Variants in NUP93 observed in about 807,000 individuals in gnomAD.
NUP93 encodes the protein nucleoporin 93.
NUP93 carries 55 observed loss-of-function variants against 107.8 expected under a neutral mutation model. The ratio of observed to expected loss-of-function variants is 0.51; its 90% confidence interval spans 0.41 to 0.64. The LOEUF (loss-of-function observed/expected upper bound fraction) is 0.64. Ranked by LOEUF, NUP93 falls within the 30% of genes least tolerant of loss-of-function variation. NUP93 has a pLI of 0.00. For missense variants in NUP93, 937 were observed against 1,044.7 expected (o/e 0.90, Z 1.42); for synonymous variants, 390 against 397.5 (o/e 0.98, Z 0.22).
rs966485673 is a variant in NUP93, at chr16:56,845,006, C to T, written c.*397C>T. The T allele has an allele frequency of 3.7e-6, 1 of 269,562 alleles. No homozygotes were observed. The highest frequency in any genetic ancestry group is 6.9e-6 in the Non-Finnish European group (1 of 143,934). The allele number at this position is 269,562 out of a possible 1,614,324, so 16.7% of individuals were successfully genotyped here. A position where few individuals can be genotyped will look rare whatever the true frequency, so the allele number is the denominator to read the frequency against. On this transcript the variant is annotated 3_prime_UTR_variant, in exon 22 of 22. Coordinates refer to ENST00000308159, the MANE Select transcript of NUP93 (RefSeq NM_014669.5). ...TATAATATTCCATATAGCAGAGTCA[C>T]GATTCATTTTCACATTTTTATTTGA...
chr16:56,795,843 C>T (rs542413237), intron 3 of NUP93, among the ~76,000 whole-genome samples: 359 of 152,206 alleles, frequency 2.4e-3, no homozygotes, highest in African/African-American at 8.3e-3. Context: ...GACAGGGTTT[C>T]ACCATGTTGG....
intron 3 of NUP93, among the ~76,000 whole-genome samples, chr16:56,785,640 G>C (rs1319734545): frequency 6.6e-6 from 1 of 152,216 alleles, no homozygotes; most frequent in Non-Finnish European, 1.5e-5. Context: ...ATGGCAGAGA[G>C]GAAGGAGTAA....
In NUP93 at chr16:56,846,018, T is replaced by A. The variant is rs969294316; in HGVS notation, c.*1409T>A. ...TTCAATTGAGCTTTACTAGAAAGTC[T>A]TGAAACATGAGCCCTGCAGAGGCCT... is the stretch of plus-strand genomic sequence containing the variant. On this transcript the variant is annotated 3_prime_UTR_variant, in exon 22 of 22. Coordinates refer to ENST00000308159, the MANE Select transcript of NUP93 (RefSeq NM_014669.5). 20 of 152,230 alleles carry A rather than the reference T, an allele frequency of 1.3e-4. No individual in the cohort carries two copies. Among genetic ancestry groups the A allele is most frequent in the African/African-American group, 4.6e-4 (19 of 41,446 alleles). The allele number at this position is 152,230 out of a possible 1,614,324, so 9.4% of individuals were successfully genotyped here.
At chr16:56,777,371 C>G (rs2144513064) in intron 3 of NUP93, among the ~76,000 whole-genome samples, 1 of 152,286 alleles carries the variant, frequency 6.6e-6, no homozygotes, top group South Asian at 2.1e-4. Flanking sequence ...TCTGGGGCAG[C>G]AGGAACTTAT....
chr16:56,773,913 G>T (rs1326563809), intron 3 of NUP93, among the ~76,000 whole-genome samples: 2 of 152,104 alleles, frequency 1.3e-5, no homozygotes, highest in African/African-American at 4.8e-5. Flanking sequence ...AAGCACCTTT[G>T]TTTTTATCTT....
chr16:56,848,656 T>C lies in NUP93; in HGVS notation c.*4047T>C, dbSNP rs748599428. The stretch of plus-strand genomic sequence containing the variant: ...AAAAAGTTAAAAATTACTAAAGTGT[T>C]CTGAAAAGAGATTTCAAGTGGTCTG... On this transcript the variant is annotated 3_prime_UTR_variant, in exon 22 of 22. Coordinates refer to ENST00000308159, the MANE Select transcript of NUP93 (RefSeq NM_014669.5). 1 of 152,244 alleles carries C rather than the reference T, an allele frequency of 6.6e-6. No homozygotes were observed. Among genetic ancestry groups the C allele is most frequent in the Admixed American group, 6.5e-5 (1 of 15,290 alleles). 9.4% of individuals were successfully genotyped at this position (152,244 alleles called of 1,614,324 possible). A position where few individuals can be genotyped will look rare whatever the true frequency, so the allele number is the denominator to read the frequency against.
chr16:56,818,914 T>C (rs1490072505), intron 6 of NUP93, among the ~76,000 whole-genome samples, 176 bp downstream of exon 6: 3 of 152,218 alleles, frequency 2.0e-5, no homozygotes, highest in African/African-American at 7.2e-5. Flanking sequence ...AATAGGGTAA[T>C]AGAATTACTC....
At chr16:56,738,262 T>C (rs535571081) in intron 1 of NUP93, among the ~76,000 whole-genome samples, 1 of 152,362 alleles carries the variant, frequency 6.6e-6, no homozygotes, top group South Asian at 2.1e-4. Flanking sequence ...CAGCACTTTC[T>C]TCCCAGCTGG....
At chr16:56,795,516 CATT>C (rs1962877439) in intron 3 of NUP93, among the ~76,000 whole-genome samples, 1 of 152,164 alleles carries the variant, frequency 6.6e-6, no homozygotes, top group Non-Finnish European at 1.5e-5. Context: ...AATGTCATTA[CATT>C]ATTAGGCAAA....
intron 3 of NUP93, among the ~76,000 whole-genome samples, chr16:56,776,503 T>C (rs1185802341): frequency 7.2e-5 from 11 of 152,216 alleles, no homozygotes; most frequent in Non-Finnish European, 2.9e-5. Flanking sequence ...CTTGGGACAA[T>C]GTTCAGCTTT....
In NUP93 at chr16:56,827,633, C is replaced by CA. The variant is rs1372064949; in HGVS notation, c.795-1337dup. Among the ~76,000 whole-genome samples the CA allele has an allele frequency of 3.3e-5, 5 of 152,128 alleles. No homozygotes were observed. In the South Asian group the frequency reaches 6.2e-4, roughly 19 times the overall value. On this transcript the variant is annotated intron_variant, in intron 8 of 21. Coordinates refer to ENST00000308159, the MANE Select transcript of NUP93 (RefSeq NM_014669.5). ...AGCATTAGCTATGTAGGGCTACTGG[C>CA]AAAAAAATTGAACCTGAATCAAATA...
At chr16:56,834,096 G>T in intron 13 of NUP93, 32 bp from the exon 14 acceptor site, 1 of 1,613,088 alleles carries the variant, frequency 6.2e-7, no homozygotes. Context: ...GGGGCAGTGT[G>T]GTTGTGACCC....
chr16:56,810,718 A>G (rs1489058644), intron 5 of NUP93, among the ~76,000 whole-genome samples: 1 of 151,886 alleles, frequency 6.6e-6, no homozygotes, highest in African/African-American at 2.4e-5. Flanking sequence ...AGATGAGGAA[A>G]CAGAACATTA....
At chr16:56,816,736 A>G (rs1034592198) in intron 5 of NUP93, among the ~76,000 whole-genome samples, 4 of 152,136 alleles carry the variant, frequency 2.6e-5, no homozygotes, top group Admixed American at 1.3e-4. Context: ...TCAGTGGTGT[A>G]TAGGGATCAA....
rs1963786769 is a variant in NUP93 at position 56,831,584 on chromosome 16, T to A, written c.1086-258T>A. On this transcript the variant is annotated intron_variant, in intron 10 of 21. Coordinates refer to ENST00000308159, the MANE Select transcript of NUP93 (RefSeq NM_014669.5). ...CTGGGTTGTGCAATGGAGTTCTAAT[T>A]CCCTGGCATTTCTCACCTGCCCATG... The A allele has an allele frequency of 2.0e-5, 8 of 403,056 alleles. No individual in the cohort carries two copies. The South Asian group carries it at 2.1e-4, about 11-fold the overall frequency. The allele number at this position is 403,056 out of a possible 1,614,324, so 25.0% of individuals were successfully genotyped here. A position where few individuals can be genotyped will look rare whatever the true frequency, so the allele number is the denominator to read the frequency against.
intron 3 of NUP93, among the ~76,000 whole-genome samples, chr16:56,789,704 A>G (rs1962710964): frequency 6.6e-6 from 1 of 152,270 alleles, no homozygotes; most frequent in African/African-American, 2.4e-5. Context: ...GTTGGCGAAT[A>G]TCAGCTCTGC....
intron 16 of NUP93, among the ~76,000 whole-genome samples, chr16:56,836,078 G>A (rs1596860032): frequency 1.3e-5 from 2 of 149,542 alleles, no homozygotes; most frequent in South Asian, 2.1e-4. Flanking sequence ...GCAGTGAGCC[G>A]AGATTGCGCC....
At chr16:56,759,220 A>G (rs1962081877) in intron 3 of NUP93, among the ~76,000 whole-genome samples, 1 of 152,256 alleles carries the variant, frequency 6.6e-6, no homozygotes, top group African/African-American at 2.4e-5. Context: ...CTAATCAGAA[A>G]CTGACGTAAA....
At chr16:56,819,445 G>C (rs2144605720) in intron 6 of NUP93, among the ~76,000 whole-genome samples, 1 of 152,296 alleles carries the variant, frequency 6.6e-6, no homozygotes, top group South Asian at 2.1e-4. Flanking sequence ...TGAGGGCAGT[G>C]GGCCTCCATC....
Sources: gnomAD v4.1 joint callset for allele counts (sites outside exome capture counted in the v4.1 genomes callset) on GRCh38, gnomAD v4.1.1 for gene constraint, MANE v1.5 for transcripts, NCBI Gene and HGNC (gene_info 2026-07-23, HGNC 2026-07-21) for gene names.